Variants in FHIP1A observed in about 807,000 individuals in gnomAD.
FHIP1A encodes FHF complex subunit HOOK-interacting protein 1A.
FHIP1A carries 61 observed loss-of-function variants against 88.6 expected under a neutral mutation model. That is an observed-to-expected ratio of 0.69 (90% confidence interval 0.56 to 0.85). The LOEUF (loss-of-function observed/expected upper bound fraction) is 0.85, where lower values mean the gene tolerates loss of function less well. FHIP1A is among the 40% of genes least tolerant of loss of function. The probability of loss-of-function intolerance (pLI) is 0.00; values close to 1 mark genes in which losing one functional copy is unlikely to be tolerated. For missense variants in FHIP1A, 1,154 were observed against 1,273.5 expected (o/e 0.91, Z 1.43); for synonymous variants, 478 against 496.0 (o/e 0.96, Z 0.48).
At chr4:151,633,263 TA>T (rs762409086) in intron 8 of FHIP1A, among the ~76,000 whole-genome samples, 3 of 150,826 alleles carry the variant, frequency 2.0e-5, no homozygotes, top group Non-Finnish European at 3.0e-5. Flanking sequence ...CATGAAGAAA[TA>T]AAAAAAAATC....
intron 3 of FHIP1A, among the ~76,000 whole-genome samples, chr4:151,528,214 T>C (rs943242524): frequency 6.6e-6 from 1 of 152,218 alleles, no homozygotes. Flanking sequence ...AAAATAAATC[T>C]GGATAAATTA....
At chr4:151,492,076 AC>A (rs1239762358) in intron 3 of FHIP1A, among the ~76,000 whole-genome samples, 4 of 152,236 alleles carry the variant, frequency 2.6e-5, no homozygotes, top group African/African-American at 9.6e-5. Context: ...TACTCCACTG[AC>A]AGCACTAGAC....
intron 2 of FHIP1A, among the ~76,000 whole-genome samples, chr4:151,475,453 A>G (rs977521938): frequency 4.6e-5 from 7 of 152,156 alleles, no homozygotes; most frequent in African/African-American, 1.7e-4. Context: ...GCTTCTGTAA[A>G]TAGGTCATAT....
At position 151,667,763 on chromosome 4, in the gene FHIP1A, A is replaced by G. The variant is rs1050787027; in HGVS notation, c.*5009A>G. ...TTCATGTCTTAAAAGGTTTAAGTTAACCTAGTTCACTGTTACCTACACAAG... is the reference window on the plus strand; with the variant it reads ...TTCATGTCTTAAAAGGTTTAAGTTAGCCTAGTTCACTGTTACCTACACAAG... On this transcript the variant is annotated 3_prime_UTR_variant, in exon 14 of 14. Coordinates refer to ENST00000435205, the MANE Select transcript of FHIP1A (RefSeq NM_001109977.3). Among the ~76,000 whole-genome samples the G allele has an allele frequency of 6.6e-6, 1 of 152,194 alleles. No homozygotes were observed. Among genetic ancestry groups the G allele is most frequent in the African/African-American group, 2.4e-5 (1 of 41,450 alleles).
intron 1 of FHIP1A, among the ~76,000 whole-genome samples, chr4:151,442,744 A>G (rs1364456419): frequency 1.3e-5 from 2 of 152,124 alleles, no homozygotes; most frequent in African/African-American, 4.8e-5. Context: ...GGAAGCTATT[A>G]GTTGGATATT....
At chr4:151,588,763 G>A (rs1265008622) in intron 6 of FHIP1A, 77 bp from the exon 7 acceptor site, 4 of 938,982 alleles carry the variant, frequency 4.3e-6, no homozygotes, top group African/African-American at 3.3e-5. Flanking sequence ...AGTTCAGGAT[G>A]TACACAGAAT....
chr4:151,425,052 C>T (rs1561489209), intron 1 of FHIP1A, among the ~76,000 whole-genome samples: 1 of 152,184 alleles, frequency 6.6e-6, no homozygotes, highest in African/African-American at 2.4e-5. Context: ...CCTGAACCTA[C>T]TGGTCAATCT....
chr4:151,556,036 T>A (rs2126754284), intron 3 of FHIP1A, among the ~76,000 whole-genome samples: 1 of 152,250 alleles, frequency 6.6e-6, no homozygotes, highest in South Asian at 2.1e-4. Flanking sequence ...AATTTTATTC[T>A]CTCAGTAAAC....
At chr4:151,622,206 A>G (rs1012903547) in intron 7 of FHIP1A, among the ~76,000 whole-genome samples, 1 of 152,198 alleles carries the variant, frequency 6.6e-6, no homozygotes, top group African/African-American at 2.4e-5. Flanking sequence ...GAGAGGTTTA[A>G]TAAGAATTCT....
intron 9 of FHIP1A, among the ~76,000 whole-genome samples, chr4:151,641,448 T>C (rs1197427087): frequency 6.6e-6 from 1 of 152,274 alleles, no homozygotes; most frequent in Non-Finnish European, 1.5e-5. Context: ...GTGTAACCTG[T>C]GGCCTGCGGG....
chr4:151,523,104 AG>A (rs1290772759), intron 3 of FHIP1A, among the ~76,000 whole-genome samples: 1 of 152,168 alleles, frequency 6.6e-6, no homozygotes, highest in Non-Finnish European at 1.5e-5. Flanking sequence ...ACATTTGGTT[AG>A]GGGGGCTGTC....
At chr4:151,444,201 T>C (rs1728511358) in intron 1 of FHIP1A, among the ~76,000 whole-genome samples, 1 of 152,142 alleles carries the variant, frequency 6.6e-6, no homozygotes, top group Admixed American at 6.5e-5. Flanking sequence ...TTTTCAATAG[T>C]ATGGAATTCT....
intron 2 of FHIP1A, among the ~76,000 whole-genome samples, chr4:151,467,550 A>G (rs1205475442): frequency 6.6e-6 from 1 of 152,252 alleles, no homozygotes; most frequent in East Asian, 1.9e-4. Context: ...CACTGTTTAC[A>G]ATAGCAAAGA....
intron 1 of FHIP1A, among the ~76,000 whole-genome samples, chr4:151,444,498 C>T (rs1483487838): frequency 1.3e-5 from 2 of 152,076 alleles, no homozygotes; most frequent in African/African-American, 4.8e-5. Flanking sequence ...TTTGTCCTCC[C>T]TTCATTGTAT....
intron 4 of FHIP1A, among the ~76,000 whole-genome samples, chr4:151,571,770 T>A (rs1186126962): frequency 2.6e-5 from 4 of 152,224 alleles, no homozygotes; most frequent in Non-Finnish European, 5.9e-5. Flanking sequence ...AAATTGATGT[T>A]TGTTAACATT....
chr4:151,425,724 A>G (rs1251267407), intron 1 of FHIP1A, among the ~76,000 whole-genome samples: 1 of 151,966 alleles, frequency 6.6e-6, no homozygotes, highest in Non-Finnish European at 1.5e-5. Flanking sequence ...TTCTCCAAAG[A>G]CTCTAGGGGA....
intron 1 of FHIP1A, among the ~76,000 whole-genome samples, chr4:151,448,487 T>C (rs1276200365): frequency 1.3e-5 from 2 of 152,154 alleles, no homozygotes; most frequent in Non-Finnish European, 1.5e-5. Context: ...GGCCTCCAGC[T>C]CCTGGCAACC....
chr4:151,415,227 C>T (rs1732843054), intron 1 of FHIP1A, among the ~76,000 whole-genome samples: 1 of 150,526 alleles, frequency 6.6e-6, no homozygotes, highest in African/African-American at 2.4e-5. Context: ...TGCTCTGTCA[C>T]CCAGGCTGGA....
intron 1 of FHIP1A, among the ~76,000 whole-genome samples, chr4:151,425,504 A>G (rs1457732276): frequency 1.3e-5 from 2 of 152,130 alleles, no homozygotes; most frequent in African/African-American, 4.8e-5. Flanking sequence ...TTAAGGGACT[A>G]TTTTTTGTTA....
Sources: gnomAD v4.1 joint callset for allele counts (sites outside exome capture counted in the v4.1 genomes callset) on GRCh38, gnomAD v4.1.1 for gene constraint, MANE v1.5 for transcripts, NCBI Gene and HGNC (gene_info 2026-07-23, HGNC 2026-07-21) for gene names.